Variants in SLC6A12 observed in about 807,000 individuals in gnomAD.
The protein encoded by SLC6A12 is solute carrier family 6 member 12.
Under a neutral mutation model 73.3 loss-of-function variants are expected in SLC6A12, and 50 were observed. The ratio of observed to expected loss-of-function variants is 0.68; its 90% confidence interval spans 0.54 to 0.86. The LOEUF is 0.86. Ranked by LOEUF, SLC6A12 falls within the 40% of genes least tolerant of loss-of-function variation. The probability of loss-of-function intolerance (pLI) is 0.00; values close to 1 mark genes in which losing one functional copy is unlikely to be tolerated. For synonymous variants in SLC6A12, 304 were observed against 309.2 expected (o/e 0.98, Z 0.18); for missense variants, 648 against 772.8 (o/e 0.84, Z 1.92).
At chr12:187,137 CCA>C (rs545639042), downstream of SLC6A12, among the ~76,000 whole-genome samples, 82 of 152,308 alleles carry the variant, frequency 5.4e-4, 1 homozygote, top group African/African-American at 1.9e-3. Context: ...TTTTTTCATG[CCA>C]CACTGGCCAA....
At chr12:193,453 T>C in intron 13 of SLC6A12, 76 bp from the exon 14 acceptor site, 3 of 1,153,454 alleles carry the variant, frequency 2.6e-6, no homozygotes, top group African/African-American at 3.0e-5. Context: ...AAAGACCCAC[T>C]TGGCTCTGTG....
chr12:212,936 CT>C (rs1333394908), intron 1 of SLC6A12, among the ~76,000 whole-genome samples: 1 of 152,118 alleles, frequency 6.6e-6, no homozygotes, highest in Non-Finnish European at 1.5e-5. Context: ...CTTCAGTGCC[CT>C]CCAGAAGCAA....
chr12:187,696 G>A (rs146472282), downstream of SLC6A12, among the ~76,000 whole-genome samples: 128 of 145,652 alleles, frequency 8.8e-4, no homozygotes, highest in African/African-American at 2.8e-3. Context: ...TAGGGCCTCC[G>A]GCAGCCTGCT....
chr12:207,083 G>A (rs1304956694), intron 3 of SLC6A12, among the ~76,000 whole-genome samples: 2 of 152,224 alleles, frequency 1.3e-5, no homozygotes, highest in Non-Finnish European at 2.9e-5. Flanking sequence ...GTTGTTTCTG[G>A]AGCGCGTTAG....
rs115223250 is a variant in SLC6A12 at position 196,115 on chromosome 12, G to C, written c.1326+9C>G. 1,569 of 1,553,890 alleles carry C rather than the reference G, an allele frequency of 1.0e-3. 14 individuals are homozygous for C. In the African/African-American group the frequency reaches 0.018, roughly 18 times the overall value. On this transcript the variant is annotated intron_variant, in intron 12 of 15. Coordinates refer to ENST00000684302, the MANE Select transcript of SLC6A12 (RefSeq NM_001122848.3). Reference sequence around the variant, plus strand: ...GAGCCTGGCCTGCAGGCCGGCGGCCGCAGCTCACCTCGGTGACCAGGAAAA... The same window carrying C: ...GAGCCTGGCCTGCAGGCCGGCGGCCCCAGCTCACCTCGGTGACCAGGAAAA...
At chr12:200,352 C>T (rs1034173847) in intron 7 of SLC6A12, among the ~76,000 whole-genome samples, 5 of 152,064 alleles carry the variant, frequency 3.3e-5, no homozygotes, top group African/African-American at 7.2e-5. Flanking sequence ...TCGTGATCCG[C>T]CAGCCTCGGC....
chr12:203,136 G>A (rs1591796742), intron 4 of SLC6A12: 3 of 228,794 alleles, frequency 1.3e-5, no homozygotes, highest in Non-Finnish European at 7.5e-6. Context: ...GCACAGTCTC[G>A]GCTCACTGGA....
Position 200,802 on chromosome 12 carries a change from T to A in SLC6A12, c.579-19A>T. ...TCGTCTCCTGGAGGATTGGGAAAAATAAGTAATGAGGGGAAAGGCTAAAGG... is the reference window on the plus strand; with the variant it reads ...TCGTCTCCTGGAGGATTGGGAAAAAAAAGTAATGAGGGGAAAGGCTAAAGG... On this transcript the variant is annotated intron_variant, in intron 6 of 15. Coordinates refer to ENST00000684302, the MANE Select transcript of SLC6A12 (RefSeq NM_001122848.3). 1 of 1,610,650 alleles carries A rather than the reference T, an allele frequency of 6.2e-7. No homozygotes were observed. Among genetic ancestry groups the A allele is most frequent in the Non-Finnish European group, 8.5e-7 (1 of 1,178,950 alleles).
downstream of SLC6A12, among the ~76,000 whole-genome samples, chr12:187,574 T>C (rs1278665992): frequency 6.0e-5 from 7 of 116,460 alleles, no homozygotes; most frequent in South Asian, 9.2e-4. Flanking sequence ...AGCAGCAAGA[T>C]TTACTGCAAA....
chr12:209,722 A>T (rs112961258), intron 3 of SLC6A12, 51 bp downstream of exon 3: 2 of 1,605,976 alleles, frequency 1.2e-6, no homozygotes. Flanking sequence ...GGCACTGCCC[A>T]GCTGCCAGCA....
In SLC6A12 at chr12:190,249, C is replaced by A. The variant is rs1426578719; in HGVS notation, c.*819G>T. 6.6e-6 allele frequency: 1 copy of A among 152,182 alleles called. No homozygotes were observed. The highest frequency in any genetic ancestry group is 1.5e-5 in the Non-Finnish European group (1 of 68,058). The allele number at this position is 152,182 out of a possible 1,614,324, so 9.4% of individuals were successfully genotyped here. A position where few individuals can be genotyped will look rare whatever the true frequency, so the allele number is the denominator to read the frequency against. ...TCTCTTTGGTCTCCAGGTTCCTCAT[C>A]CATGAAGTCAGGGGTTTGCGTTAGA... On this transcript the variant is annotated 3_prime_UTR_variant, in exon 16 of 16. Transcript: ENST00000684302.
chr12:184,037 C>A, the SLC6A12 span, among the ~76,000 whole-genome samples: 1 of 151,972 alleles, frequency 6.6e-6, no homozygotes, highest in African/African-American at 2.4e-5. Context: ...TGTTTATGGG[C>A]ATAAATTCAG....
Position 200,760 on chromosome 12 carries a change from G to C in SLC6A12, c.602C>G (p.Ser201Trp). The change falls in exon 7 of 16, where the codon TCG becomes TGG. Residue 201 changes from serine (S) to tryptophan (W), a missense_variant. Physicochemically the swap from Ser to Trp is radical, Grantham distance 177. Coordinates refer to ENST00000684302, the MANE Select transcript of SLC6A12 (RefSeq NM_001122848.3). ...FWERRVLGIT[S>W]GIHDLGSLRW... ...CAGGGAGCCCAGGTCATGGATGCCC[G>C]AGGTGATGCCCAGAACTCGTCTCCT... 1.2e-6 allele frequency: 2 copies of C among 1,613,936 alleles called. No individual in the cohort carries two copies. Among genetic ancestry groups the C allele is most frequent in the East Asian group, 4.5e-5 (2 of 44,862 alleles).
In SLC6A12 at chr12:200,718, A is replaced by G; in HGVS notation, c.644T>C (p.Leu215Pro). 6.2e-7 allele frequency: 1 copy of G among 1,614,170 alleles called. No homozygotes were observed. Among genetic ancestry groups the G allele is most frequent in the Non-Finnish European group, 8.5e-7 (1 of 1,180,000 alleles). The change falls in exon 7 of 16, where the codon CTG (leucine) becomes CCG (proline). Residue 215 changes from leucine to proline, a missense_variant. By Grantham distance (98) the Leu-to-Pro change is moderately conservative. Transcript: ENST00000684302. ...GATGACCCAGGCGAGCAGGAGGCAC[A>G]GGGCCAGCTCCCAGCGCAGGGAGCC... ...DLGSLRWELA[L>P]CLLLAWVICY...
intron 6 of SLC6A12, 109 bp downstream of exon 6, chr12:201,653 G>T: frequency 1.2e-6 from 1 of 855,000 alleles, no homozygotes; most frequent in East Asian, 2.5e-5. Flanking sequence ...GGGAGGAAGT[G>T]CTGGAAAGCA....
chr12:210,829 G>T (rs1276943954), intron 2 of SLC6A12, among the ~76,000 whole-genome samples: 1 of 152,172 alleles, frequency 6.6e-6, no homozygotes, highest in African/African-American at 2.4e-5. Context: ...AGCAGTGGCT[G>T]CCCCTCTCAG....
chr12:192,207 C>A (rs1939632036), intron 15 of SLC6A12, among the ~76,000 whole-genome samples: 1 of 152,222 alleles, frequency 6.6e-6, no homozygotes, highest in Admixed American at 6.5e-5. Flanking sequence ...TTCTCCTGAA[C>A]CTTTCAGCAG....
Position 201,021 on chromosome 12 carries a change from G to GGA in SLC6A12, c.579-240_579-239dup, listed in dbSNP as rs200179327. On this transcript the variant is annotated intron_variant, in intron 6 of 15. Coordinates refer to ENST00000684302, the MANE Select transcript of SLC6A12 (RefSeq NM_001122848.3). ...GATTTTTTTTCTCGTACAGAAAGAT[G>GGA]GAGAGAGAGAGAGATGAGGAATGTA... 6.0e-3 allele frequency among the ~76,000 whole-genome samples: 905 copies of GGA among 152,074 alleles called. 8 individuals carry two copies. The highest frequency in any genetic ancestry group is 0.02 in the African/African-American group (850 of 41,484).
chr12:202,132 A>T (rs1940303047), intron 5 of SLC6A12, among the ~76,000 whole-genome samples: 1 of 152,048 alleles, frequency 6.6e-6, no homozygotes, highest in South Asian at 2.1e-4. Context: ...CTGGTACGGA[A>T]TGCACTCTCC....
Sources: gnomAD v4.1 joint callset for allele counts (sites outside exome capture counted in the v4.1 genomes callset) on GRCh38, gnomAD v4.1.1 for gene constraint, MANE v1.5 for transcripts, NCBI Gene and HGNC (gene_info 2026-07-23, HGNC 2026-07-21) for gene names.